PCDH19: variants seen among roughly 807,000 people sequenced by gnomAD.
The protein encoded by PCDH19 is protocadherin-19.
A neutral mutation model predicts 46.2 loss-of-function variants in PCDH19; 6 were observed. The ratio of observed to expected loss-of-function variants is 0.13; its 90% CI spans 0.07 to 0.26. The LOEUF (loss-of-function observed/expected upper bound fraction) is 0.26, where lower values mean the gene tolerates loss of function less well. Among genes scored for constraint, PCDH19 ranks in the 10% least tolerant of loss-of-function variants. The pLI is 1.00. For missense variants in PCDH19, 740 were observed against 972.3 expected, an observed-to-expected ratio of 0.76 and a Z score of 3.18; for synonymous variants, 481 against 415.7, an observed-to-expected ratio of 1.16 and a Z score of -1.91.
chrX:100,352,582 G>C, intron 3 of PCDH19, among the ~76,000 whole-genome samples: 1 of 111,849 alleles, frequency 8.9e-6, no homozygotes, highest in Non-Finnish European at 1.9e-5. Flanking sequence ...CATGGTGGCG[G>C]TTTCTCATGA....
At chrX:100,340,319 A>T (rs1926217327) in intron 5 of PCDH19, among the ~76,000 whole-genome samples, 1 of 112,451 alleles carries the variant, frequency 8.9e-6, no homozygotes, top group Non-Finnish European at 1.9e-5. Flanking sequence ...TGACAAAAAA[A>T]TAAAACAGAT....
At chrX:100,360,075 G>T (rs766378567) in intron 3 of PCDH19, among the ~76,000 whole-genome samples, 24 of 112,034 alleles carry the variant, frequency 2.1e-4, no homozygotes, top group Admixed American at 2.0e-3. Context: ...TTTGTCAGCT[G>T]AAAAGACTTT....
At chrX:100,309,259 A>C (rs1925055510) in intron 5 of PCDH19, among the ~76,000 whole-genome samples, 3 of 111,703 alleles carry the variant, frequency 2.7e-5, no homozygotes, top group Admixed American at 9.5e-5. Context: ...GGAGACTATT[A>C]TTTTAAGTGA....
intron 3 of PCDH19, among the ~76,000 whole-genome samples, chrX:100,359,272 AT>A (rs748125172): frequency 1.8e-5 from 2 of 111,779 alleles, no homozygotes; most frequent in Non-Finnish European, 3.8e-5. Flanking sequence ...TCTCTGAGTG[AT>A]TTCCTTGGCT....
intron 5 of PCDH19, among the ~76,000 whole-genome samples, chrX:100,301,891 G>A (rs1243106969): frequency 1.8e-5 from 2 of 112,268 alleles, no homozygotes; most frequent in East Asian, 2.8e-4. Flanking sequence ...AGGAATGGCA[G>A]TGTGCTCAGC....
chrX:100,400,846 G>A (rs975542794), intron 3 of PCDH19, among the ~76,000 whole-genome samples: 19 of 111,707 alleles, frequency 1.7e-4, no homozygotes, highest in African/African-American at 4.6e-4. Flanking sequence ...AATACTATGA[G>A]GCCATTTTAT....
chrX:100,332,679 A>G (rs1441578211), intron 5 of PCDH19, among the ~76,000 whole-genome samples: 2 of 111,648 alleles, frequency 1.8e-5, no homozygotes, highest in African/African-American at 6.5e-5. Flanking sequence ...TCCCATCCTG[A>G]TAAGAGTTTA....
intron 5 of PCDH19, among the ~76,000 whole-genome samples, chrX:100,306,598 A>G (rs1230831859): frequency 8.9e-6 from 1 of 111,811 alleles, no homozygotes; most frequent in Admixed American, 9.5e-5. Context: ...AACAAAAGAA[A>G]TAATACAAAA....
At position 100,322,857 on chromosome X, in the gene PCDH19, A is replaced by T. The variant is rs866120190; in HGVS notation, c.2848+19046T>A. 7.1e-4 allele frequency among the ~76,000 whole-genome samples: 36 copies of T among 50,887 alleles called. 3 individuals are homozygous for T. Among genetic ancestry groups the T allele is most frequent in the African/African-American group, 2.2e-3 (20 of 9,133 alleles). 44.2% of individuals were successfully genotyped at this position (50,887 alleles called of 115,157 possible). On this transcript the variant is annotated intron_variant, in intron 5 of 5. Coordinates refer to ENST00000373034, the MANE Select transcript of PCDH19 (RefSeq NM_001184880.2). The stretch of plus-strand genomic sequence containing the variant: ...AGTATATATATATATATATATATAT[A>T]TATATATATTTTTGCAGCTATTGTA...
chrX:100,325,166 T>TAGATAGAC lies in PCDH19; in HGVS notation c.2848+16736_2848+16737insGTCTATCT, dbSNP rs1169579190. Among the ~76,000 whole-genome samples the TAGATAGAC allele has an allele frequency of 3.3e-4, 18 of 55,375 alleles. 1 individual carries two copies. Among genetic ancestry groups the TAGATAGAC allele is most frequent in the South Asian group, 2.2e-3 (4 of 1,806 alleles). 48.1% of individuals were successfully genotyped at this position (55,375 alleles called of 115,157 possible). On this transcript the variant is annotated intron_variant, in intron 5 of 5. Transcript: ENST00000373034. ...ATAGATAGATAGATAGATAGATAGA[T>TAGATAGAC]AGACAGATAGACACTTTGATTATTG...
At chrX:100,321,587 C>CATGTCTTTAGCCCATTTTTTG (rs1925480921) in intron 5 of PCDH19, among the ~76,000 whole-genome samples, 1 of 110,101 alleles carries the variant, frequency 9.1e-6, no homozygotes, top group Non-Finnish European at 1.9e-5. Context: ...ATTATCTGTT[C>CATGTCTTTAGCCCATTTTTTG]ATGTCTTTAG....
chrX:100,345,844 G>A (rs1222751819), intron 4 of PCDH19, among the ~76,000 whole-genome samples: 1 of 111,707 alleles, frequency 9.0e-6, no homozygotes, highest in Non-Finnish European at 1.9e-5. Context: ...GATCTTGTAA[G>A]AGCATTTAGT....
intron 3 of PCDH19, among the ~76,000 whole-genome samples, chrX:100,359,797 GTGTGTGTGTGTGTA>G (rs1327715366): frequency 3.6e-5 from 3 of 83,342 alleles, no homozygotes; most frequent in Admixed American, 1.7e-4. Flanking sequence ...ATAAGAGTGT[GTGTGTGTGTGTGTA>G]TGTGTGTGTG....
rs757197395 is a variant in PCDH19 at position 100,295,925 on chromosome X, T to C, written c.*352A>G. The C allele has an allele frequency of 2.8e-5, 5 of 181,362 alleles. No homozygotes were observed. The highest frequency in any genetic ancestry group is 6.1e-5 in the African/African-American group (2 of 32,975). 14.9% of individuals were successfully genotyped at this position (181,362 alleles called of 1,213,427 possible). ...TTTTTTCACTTTTTGCTTTTTTAAA[T>C]GTAATCCTCCACAAACAATGGTAAT... On this transcript the variant is annotated 3_prime_UTR_variant, in exon 6 of 6. Coordinates refer to ENST00000373034, the MANE Select transcript of PCDH19 (RefSeq NM_001184880.2).
chrX:100,357,213 G>A (rs1290439380), intron 3 of PCDH19, among the ~76,000 whole-genome samples: 1 of 111,473 alleles, frequency 9.0e-6, no homozygotes, highest in Non-Finnish European at 1.9e-5. Context: ...ATACTTGTAC[G>A]CAGGCTACTG....
chrX:100,315,323 C>T (rs947162963), intron 5 of PCDH19, among the ~76,000 whole-genome samples: 2 of 112,328 alleles, frequency 1.8e-5, no homozygotes, highest in Admixed American at 1.9e-4. Context: ...AAGAAAATTT[C>T]GAGTCTTACA....
chrX:100,348,133 A>G (rs1352693468), intron 4 of PCDH19, among the ~76,000 whole-genome samples: 2 of 109,992 alleles, frequency 1.8e-5, no homozygotes, highest in Non-Finnish European at 3.8e-5. Flanking sequence ...CTGAAATTGT[A>G]TTGTATTGGC....
chrX:100,374,987 C>T (rs1265922989), intron 3 of PCDH19, among the ~76,000 whole-genome samples: 2 of 111,435 alleles, frequency 1.8e-5, no homozygotes, highest in Non-Finnish European at 3.8e-5. Context: ...AAGTACATGC[C>T]CTGGCAGGAA....
chrX:100,400,823 C>T (rs779521492), intron 3 of PCDH19, among the ~76,000 whole-genome samples: 13 of 112,114 alleles, frequency 1.2e-4, no homozygotes, highest in Non-Finnish European at 2.3e-4. Context: ...CCTTATCCTA[C>T]AAAATTGACA....
Sources: gnomAD v4.1 joint callset for allele counts (sites outside exome capture counted in the v4.1 genomes callset) on GRCh38, gnomAD v4.1.1 for gene constraint, MANE v1.5 for transcripts, NCBI Gene and HGNC (gene_info 2026-07-23, HGNC 2026-07-21) for gene names.